The following MEGF8 variants were observed in gnomAD, a reference collection of about 807,000 sequenced individuals.
MEGF8 encodes multiple EGF like domains 8, also known as multiple epidermal growth factor-like domains protein 8.
Under a neutral mutation model 302.9 loss-of-function variants are expected in MEGF8, and 156 were observed. The ratio of observed to expected loss-of-function variants is 0.52; its 90% CI spans 0.45 to 0.59. The LOEUF (loss-of-function observed/expected upper bound fraction) is 0.59. Among genes scored for constraint, MEGF8 ranks in the 20% least tolerant of loss-of-function variants. MEGF8 has a pLI of 0.00. For missense variants in MEGF8, 3,345 were observed against 3,964.5 expected, an observed-to-expected ratio of 0.84 and a Z score of 4.20; for synonymous variants, 1,621 against 1,660.5, an observed-to-expected ratio of 0.98 and a Z score of 0.58.
Position 42,334,021 on chromosome 19 carries a change from C to G in MEGF8, c.366C>G (p.Leu122=), listed in dbSNP as rs749116190. 4.3e-6 allele frequency: 7 copies of G among 1,613,712 alleles called. No individual in the cohort carries two copies. The African/African-American group carries it at 9.3e-5, about 22-fold the overall frequency. ...EASSGKMLLH[L]FSDANYNLLG... ...TGTGCCCGCAGATGCTGCTGCACCTCTTCAGTGATGCCAACTACAACCTGC... is the reference window on the plus strand; with the variant it reads ...TGTGCCCGCAGATGCTGCTGCACCTGTTCAGTGATGCCAACTACAACCTGC... Residue 122 remains leucine, a synonymous_variant, in exon 3 of 42, where the codon CTC becomes CTG. Transcript: ENST00000251268.
At position 42,349,700 on chromosome 19, in the gene MEGF8, G is replaced by A; in HGVS notation, c.2499+1G>A. The A allele has an allele frequency of 6.2e-6, 10 of 1,611,154 alleles. No homozygotes were observed. Among genetic ancestry groups the A allele is most frequent in the Non-Finnish European group, 8.5e-6 (10 of 1,179,530 alleles). ...TCGGACTGGTGTGCCAGGAGGCAGC[G>A]TGAGTACCCAGGACCTACCTCCAAC... On this transcript the variant is annotated splice_donor_variant, in intron 14 of 41. Coordinates refer to ENST00000251268, the MANE Select transcript of MEGF8 (RefSeq NM_001271938.2). LOFTEE classifies it high-confidence loss of function.
At position 42,352,482 on chromosome 19, in the gene MEGF8, A is replaced by C. The variant is rs748853760; in HGVS notation, c.3350+26A>C. 9 of 1,558,250 alleles carry C rather than the reference A, an allele frequency of 5.8e-6. No homozygotes were observed. The highest frequency in any genetic ancestry group is 7.9e-6 in the Non-Finnish European group (9 of 1,145,850). ...GTGAGTGAGGCGGGGGTTGCTATGG[A>C]GATGTTGCCCCAGGCTGGGGCACAT... On this transcript the variant is annotated intron_variant, in intron 19 of 41. Transcript: ENST00000251268. This position sits in a 1 kb window ranked among gnomAD's most constrained non-coding sequence, Gnocchi z 4.4.
chr19:42,340,672 GT>G (rs987290776), intron 8 of MEGF8, among the ~76,000 whole-genome samples: 2 of 150,996 alleles, frequency 1.3e-5, no homozygotes, highest in African/African-American at 2.4e-5. Flanking sequence ...TTACTATTTT[GT>G]TTTATTTTAC....
chr19:42,368,857 C>T lies in MEGF8; in HGVS notation c.6496C>T (p.Arg2166Cys), dbSNP rs1460348332. ...SGPRDGLTCG[R>C]PGASWAFLSC... ...CCCGGTGCTAGGGCTGACATGTGGG[C>T]GTCCGGGGGCCTCCTGGGCCTTCCT... Residue 2166 changes from arginine (R) to cysteine (C), a missense_variant, in exon 37 of 42, where the codon CGT becomes TGT. Physicochemically the swap from Arg to Cys is radical, Grantham distance 180. Coordinates refer to ENST00000251268, the MANE Select transcript of MEGF8 (RefSeq NM_001271938.2). The surrounding 1 kb of genome is among the most constrained non-coding windows in gnomAD (Gnocchi z 4.9). 10 of 1,613,416 alleles carry T rather than the reference C, an allele frequency of 6.2e-6. No individual in the cohort carries two copies. Among genetic ancestry groups the T allele is most frequent in the Non-Finnish European group, 8.5e-6 (10 of 1,179,748 alleles).
Position 42,353,560 on chromosome 19 carries a change from C to A in MEGF8, c.3646C>A (p.His1216Asn), listed in dbSNP as rs1467568260. 1.2e-6 allele frequency: 2 copies of A among 1,602,564 alleles called. No individual in the cohort carries two copies. Among genetic ancestry groups the A allele is most frequent in the African/African-American group, 2.7e-5 (2 of 74,880 alleles). ...RGCRPCQCNG[H>N]GDPRRGHCDN... ...CTGCCGGCCCTGCCAGTGCAACGGG[C>A]ACGGGGACCCACGCCGTGGCCACTG... Residue 1216 changes from histidine (H) to asparagine (N), a missense_variant, in exon 21 of 42, where the codon CAC becomes AAC. Physicochemically the swap from His to Asn is moderately conservative, Grantham distance 68. Coordinates refer to ENST00000251268, the MANE Select transcript of MEGF8 (RefSeq NM_001271938.2). This position sits in a 1 kb window ranked among gnomAD's most constrained non-coding sequence, Gnocchi z 6.1.
At chr19:42,349,808 C>T (rs570203513) in intron 14 of MEGF8, 109 bp downstream of exon 14, 9 of 1,193,954 alleles carry the variant, frequency 7.5e-6, no homozygotes, top group South Asian at 5.5e-5. Flanking sequence ...ATTCTGGCCT[C>T]GGACTCCTTA....
intron 38 of MEGF8, 134 bp from the exon 39 acceptor site, chr19:42,370,055 G>A: frequency 2.0e-6 from 2 of 1,023,196 alleles, no homozygotes; most frequent in Non-Finnish European, 2.8e-6. Context: ...AAATCCCGCT[G>A]GGATTGTCCA....
Position 42,375,464 on chromosome 19 carries a change from C to T in MEGF8, c.7270-43C>T, listed in dbSNP as rs754921980. The T allele has an allele frequency of 8.0e-6, 12 of 1,505,628 alleles. No homozygotes were observed. The highest frequency in any genetic ancestry group is 2.4e-5 in the East Asian group (1 of 40,920). 93.3% of individuals were successfully genotyped at this position (1,505,628 alleles called of 1,614,324 possible). ...TGCTGCTTGGGGGACAGGCTGGCACCGCACTCAGCCCTGATGGTCACCGCC... is the reference window on the plus strand; with the variant it reads ...TGCTGCTTGGGGGACAGGCTGGCACTGCACTCAGCCCTGATGGTCACCGCC... On this transcript the variant is annotated intron_variant, in intron 41 of 41. Coordinates refer to ENST00000251268, the MANE Select transcript of MEGF8 (RefSeq NM_001271938.2). The surrounding 1 kb of genome is among the most constrained non-coding windows in gnomAD (Gnocchi z 7.1).
rs762150997 is a variant in MEGF8 at position 42,336,260 on chromosome 19, C to A, written c.1158C>A (p.Pro386=). The change falls in exon 6 of 42, where the codon CCC becomes CCA. Residue 386 remains proline (P), a synonymous_variant. Coordinates refer to ENST00000251268, the MANE Select transcript of MEGF8 (RefSeq NM_001271938.2). This position sits in a 1 kb window ranked among gnomAD's most constrained non-coding sequence, Gnocchi z 4.8. ...WEQVIPAGGR[P]PAATGHSMVF... ...AGGTGATTCCGGCAGGCGGACGGCC[C>A]CCTGCTGCCACTGGCCACTCCATGG... 1.2e-6 allele frequency: 2 copies of A among 1,607,248 alleles called. No homozygotes were observed. Among genetic ancestry groups the A allele is most frequent in the South Asian group, 2.2e-5 (2 of 91,070 alleles).
At chr19:42,374,573 A>T (rs2039740013) in intron 41 of MEGF8, among the ~76,000 whole-genome samples, 1 of 151,558 alleles carries the variant, frequency 6.6e-6, no homozygotes, top group Non-Finnish European at 1.5e-5. Flanking sequence ...AGTGGTTTCC[A>T]CTAAGCCACA....
intron 1 of MEGF8, among the ~76,000 whole-genome samples, chr19:42,329,487 T>TC (rs1342933391): frequency 1.3e-5 from 2 of 152,064 alleles, no homozygotes; most frequent in Admixed American, 6.5e-5. Context: ...GACCTCCAGA[T>TC]CCCCCTTGAT....
intron 15 of MEGF8, 106 bp downstream of exon 15, chr19:42,350,490 C>T: frequency 9.5e-7 from 1 of 1,057,216 alleles, no homozygotes; most frequent in Non-Finnish European, 1.3e-6. Flanking sequence ...ACAGCAAGGG[C>T]TTTTGGCCTT....
chr19:42,333,446 G>A (rs1474611702), intron 1 of MEGF8, among the ~76,000 whole-genome samples, 159 bp from the exon 2 acceptor site: 2 of 152,208 alleles, frequency 1.3e-5, no homozygotes, highest in Non-Finnish European at 2.9e-5. Context: ...CCTAGGTTAT[G>A]AGACTGGGGG....
rs768847651 is a variant in MEGF8, at chr19:42,352,477, T to C, written c.3350+21T>C. 2.6e-6 allele frequency: 4 copies of C among 1,562,420 alleles called. No homozygotes were observed. In the East Asian group the frequency reaches 7.0e-5, roughly 27 times the overall value. On this transcript the variant is annotated intron_variant, in intron 19 of 41. Coordinates refer to ENST00000251268, the MANE Select transcript of MEGF8 (RefSeq NM_001271938.2). The surrounding 1 kb of genome is among the most constrained non-coding windows in gnomAD (Gnocchi z 4.4). ...CGCACGTGAGTGAGGCGGGGGTTGCTATGGAGATGTTGCCCCAGGCTGGGG... is the reference window on the plus strand; with the variant it reads ...CGCACGTGAGTGAGGCGGGGGTTGCCATGGAGATGTTGCCCCAGGCTGGGG...
chr19:42,363,413 A>G (rs1450690628), intron 35 of MEGF8, among the ~76,000 whole-genome samples, 151 bp downstream of exon 35: 1 of 151,894 alleles, frequency 6.6e-6, no homozygotes, highest in Non-Finnish European at 1.5e-5. Context: ...TTCTCGTGCC[A>G]CCATCTCTTT....
At chr19:42,359,015 C>T (rs1466641623) in intron 30 of MEGF8, 61 bp downstream of exon 30, 83 of 1,566,880 alleles carry the variant, frequency 5.3e-5, no homozygotes, top group Non-Finnish European at 5.4e-5. Context: ...TAGGGAAGTA[C>T]AGGGGTGGCT....
chr19:42,376,128 G>A lies in MEGF8; in HGVS notation c.7891G>A (p.Ala2631Thr), dbSNP rs1283451397. The change falls in exon 42 of 42, where the codon GCC becomes ACC. Residue 2631 changes from alanine (A) to threonine (T), a missense_variant. Coordinates refer to ENST00000251268, the MANE Select transcript of MEGF8 (RefSeq NM_001271938.2). The surrounding 1 kb of genome is among the most constrained non-coding windows in gnomAD (Gnocchi z 8.2). Reference sequence around the variant, plus strand: ...AAGTGGGCCCGGCGCCAACGGCTCAGCCGACTCGCAGGGCCTGCTCTTCTT... The same window carrying A: ...AAGTGGGCCCGGCGCCAACGGCTCAACCGACTCGCAGGGCCTGCTCTTCTT... Reference protein sequence around the residue: ...DPSGPGANGSADSQGLLFFRQ... With the variant: ...DPSGPGANGSTDSQGLLFFRQ... 2 of 1,607,944 alleles carry A rather than the reference G, an allele frequency of 1.2e-6. No homozygotes were observed. The highest frequency in any genetic ancestry group is 1.7e-6 in the Non-Finnish European group (2 of 1,179,806).
chr19:42,332,810 A>G (rs1014086390), intron 1 of MEGF8, among the ~76,000 whole-genome samples: 7 of 152,324 alleles, frequency 4.6e-5, no homozygotes, highest in Non-Finnish European at 8.8e-5. Flanking sequence ...CAAGTCACTA[A>G]GGCTCTTCCC....
Position 42,326,407 on chromosome 19 carries a change from G to C in MEGF8, c.164G>C (p.Gly55Ala), listed in dbSNP as rs771093365. The C allele has an allele frequency of 1.0e-5, 16 of 1,567,546 alleles. No homozygotes were observed. The highest frequency in any genetic ancestry group is 2.0e-5 in the Admixed American group (1 of 50,400). ...GGTGCGGGCAACTACAGCGTCAATG[G>C]CAACTGCGAGTGGCTCATCGAGGGT... ...TDGAGNYSVNGNCEWLIEAPS... is the reference protein window; with the variant it reads ...TDGAGNYSVNANCEWLIEAPS... Residue 55 changes from glycine to alanine, a missense_variant, in exon 1 of 42, where the codon GGC becomes GCC. Coordinates refer to ENST00000251268, the MANE Select transcript of MEGF8 (RefSeq NM_001271938.2).
Sources: allele counts gnomAD v4.1 joint callset (sites outside exome capture counted in the v4.1 genomes callset), GRCh38; gene constraint gnomAD v4.1.1; non-coding constraint Gnocchi (gnomAD v3.1); transcripts MANE v1.5; gene names NCBI Gene and HGNC (gene_info 2026-07-23, HGNC 2026-07-21).